PTPRG: variants seen among roughly 807,000 people sequenced by gnomAD.
PTPRG encodes protein tyrosine phosphatase receptor type G, also known as receptor-type tyrosine-protein phosphatase gamma.
Under a neutral mutation model 165.3 loss-of-function variants are expected in PTPRG, and 102 were observed. That is an observed-to-expected ratio of 0.62 (90% CI 0.53 to 0.73). The LOEUF (loss-of-function observed/expected upper bound fraction) is 0.73, where lower values mean the gene tolerates loss of function less well. Among genes scored for constraint, PTPRG ranks in the 30% least tolerant of loss-of-function variants. The pLI is 0.00. For missense variants in PTPRG, 1,866 were observed against 1,861.4 expected (o/e 1.00, Z -0.05); for synonymous variants, 675 against 669.5 (o/e 1.01, Z -0.13).
intron 2 of PTPRG, among the ~76,000 whole-genome samples, chr3:61,870,438 G>A (rs1321585949): frequency 3.1e-5 from 4 of 130,822 alleles, no homozygotes; most frequent in Admixed American, 1.6e-4. Flanking sequence ...TCAGCCTCCC[G>A]AGTAGCTGGG....
chr3:62,024,865 AC>A (rs1419601013), intron 4 of PTPRG, among the ~76,000 whole-genome samples: 1 of 152,208 alleles, frequency 6.6e-6, no homozygotes, highest in Admixed American at 6.5e-5. Flanking sequence ...GTGAATTTCG[AC>A]ATGCGATTTT....
chr3:61,706,084 G>C (rs1465415708), intron 1 of PTPRG, among the ~76,000 whole-genome samples: 1 of 152,152 alleles, frequency 6.6e-6, no homozygotes, highest in African/African-American at 2.4e-5. Context: ...TGAGGAATGT[G>C]ATTTCAGTAA....
intron 1 of PTPRG, among the ~76,000 whole-genome samples, chr3:61,633,898 T>TTTTTTTTTTCGAGTGG (rs1701833273): frequency 1.7e-5 from 2 of 119,350 alleles, no homozygotes; most frequent in Admixed American, 1.7e-4. Context: ...TGTCGAGTGG[T>TTTTTTTTTTCGAGTGG]TTTTTTTTTT....
intron 2 of PTPRG, among the ~76,000 whole-genome samples, chr3:61,828,828 G>T (rs764359966): frequency 6.6e-6 from 1 of 152,176 alleles, no homozygotes; most frequent in South Asian, 2.1e-4. Context: ...GTGAGCTGTG[G>T]TTTTCATGTC....
At chr3:61,949,919 T>G (rs2039858849) in intron 2 of PTPRG, among the ~76,000 whole-genome samples, 1 of 152,140 alleles carries the variant, frequency 6.6e-6, no homozygotes, top group Non-Finnish European at 1.5e-5. Context: ...GGCTAATTTT[T>G]GTATTTTTAG....
At chr3:62,058,722 A>G (rs954988646) in intron 4 of PTPRG, among the ~76,000 whole-genome samples, 2 of 152,182 alleles carry the variant, frequency 1.3e-5, no homozygotes, top group African/African-American at 2.4e-5. Context: ...GGTTGAATTC[A>G]GTGTTGATAA....
intron 2 of PTPRG, among the ~76,000 whole-genome samples, chr3:61,851,272 A>T (rs983782942): frequency 6.6e-6 from 1 of 152,206 alleles, no homozygotes; most frequent in African/African-American, 2.4e-5. Context: ...TCAGGGAAGA[A>T]TCTAATCAGA....
In PTPRG at chr3:61,956,090, T is replaced by TTATATATA. The variant is rs139960761; in HGVS notation, c.191-33525_191-33518dup. 4.8e-3 allele frequency among the ~76,000 whole-genome samples: 715 copies of TTATATATA among 149,060 alleles called. 8 individuals are homozygous for TTATATATA. Among genetic ancestry groups the TTATATATA allele is most frequent in the African/African-American group, 0.017 (678 of 40,278 alleles). On this transcript the variant is annotated intron_variant, in intron 2 of 29. Transcript: ENST00000474889. ...AGCATGTGGACTAAGGGGAAAAAAATTATATATATATATATATGAAAAATT... is the reference window on the plus strand; with the variant it reads ...AGCATGTGGACTAAGGGGAAAAAAATTATATATATATATATATATATATATGAAAAATT...
chr3:61,956,515 T>C (rs769670720), intron 2 of PTPRG, among the ~76,000 whole-genome samples: 1 of 152,106 alleles, frequency 6.6e-6, no homozygotes, highest in African/African-American at 2.4e-5. Flanking sequence ...TTTAAAGAGA[T>C]CCAGGAAGAC....
intron 2 of PTPRG, among the ~76,000 whole-genome samples, chr3:61,791,147 A>T (rs980570141): frequency 6.6e-6 from 1 of 152,208 alleles, no homozygotes; most frequent in African/African-American, 2.4e-5. Flanking sequence ...ACCTGTTTTT[A>T]TGTATAATTG....
intron 5 of PTPRG, among the ~76,000 whole-genome samples, chr3:62,113,133 G>T (rs1209840161): frequency 6.6e-6 from 1 of 152,170 alleles, no homozygotes; most frequent in Non-Finnish European, 1.5e-5. Context: ...AGGTCAGGAT[G>T]AGGCCAGGCT....
At position 62,267,742 on chromosome 3, in the gene PTPRG, G is replaced by A; in HGVS notation, c.2797G>A (p.Glu933Lys). 1 of 1,613,484 alleles carries A rather than the reference G, an allele frequency of 6.2e-7. No homozygotes were observed. Among genetic ancestry groups the A allele is most frequent in the Non-Finnish European group, 8.5e-7 (1 of 1,179,524 alleles). The stretch of plus-strand genomic sequence containing the variant: ...CCAAGGACCTTTGAAGTCTACATTT[G>A]AAGATTTCTGGAGGATGATTTGGGA... ...ATQGPLKSTF[E>K]DFWRMIWEQN... The change falls in exon 19 of 30, where the codon GAA becomes AAA. Residue 933 changes from glutamate (E) to lysine (K), a missense_variant. Transcript: ENST00000474889.
At chr3:61,731,139 G>T (rs941911585) in intron 1 of PTPRG, among the ~76,000 whole-genome samples, 1 of 152,024 alleles carries the variant, frequency 6.6e-6, no homozygotes, top group African/African-American at 2.4e-5. Context: ...GAACGATTTG[G>T]CTCCATAAAA....
chr3:61,965,464 G>A (rs1206270402), intron 2 of PTPRG, among the ~76,000 whole-genome samples: 2 of 146,480 alleles, frequency 1.4e-5, no homozygotes, highest in African/African-American at 5.2e-5. Context: ...CTCCAGCCTG[G>A]GTGACAGAGC....
chr3:62,141,898 C>CA (rs200264574), intron 6 of PTPRG, among the ~76,000 whole-genome samples: 124 of 148,634 alleles, frequency 8.3e-4, no homozygotes, highest in Middle Eastern at 3.4e-3. Flanking sequence ...AAAACTGTCT[C>CA]AAAAAAAAAG....
At chr3:61,864,005 C>G (rs962279431) in intron 2 of PTPRG, among the ~76,000 whole-genome samples, 1 of 152,148 alleles carries the variant, frequency 6.6e-6, no homozygotes, top group African/African-American at 2.4e-5. Context: ...GCTTTGAGGT[C>G]CAGCCCTGGA....
At chr3:62,212,863 A>G (rs1384300548) in intron 12 of PTPRG, among the ~76,000 whole-genome samples, 1 of 152,208 alleles carries the variant, frequency 6.6e-6, no homozygotes, top group Non-Finnish European at 1.5e-5. Context: ...CACAATTAAA[A>G]AATAACTACT....
chr3:61,722,324 G>A (rs557476836), intron 1 of PTPRG, among the ~76,000 whole-genome samples: 101 of 152,206 alleles, frequency 6.6e-4, no homozygotes, highest in African/African-American at 1.2e-3. Flanking sequence ...TGATGCCCCC[G>A]TGGGCCAAAT....
At position 62,292,396 on chromosome 3, in the gene PTPRG, C is replaced by T. The variant is rs75752432; in HGVS notation, c.4056-25C>T. On this transcript the variant is annotated intron_variant, in intron 28 of 29. Coordinates refer to ENST00000474889, the MANE Select transcript of PTPRG (RefSeq NM_002841.4). ...TTTGGTCCCTTTGTACATCTGAAAT[C>T]GTATCTTTTTTTTTTCTCCCCCAGG... 7.5e-3 allele frequency: 12,055 copies of T among 1,599,936 alleles called. 58 individuals are homozygous for T. The highest frequency in any genetic ancestry group is 9.2e-3 in the Non-Finnish European group (10,770 of 1,174,502).
Sources: gnomAD v4.1 joint callset for allele counts (sites outside exome capture counted in the v4.1 genomes callset) on GRCh38, gnomAD v4.1.1 for gene constraint, MANE v1.5 for transcripts, NCBI Gene and HGNC (gene_info 2026-07-23, HGNC 2026-07-21) for gene names.